Variants in ZFHX3 observed in about 807,000 individuals in gnomAD.
ZFHX3 encodes zinc finger homeobox protein 3.
ZFHX3 carries 42 observed loss-of-function variants against 279.1 expected under a neutral mutation model. The observed-to-expected ratio is 0.15, with a 90% CI of 0.12 to 0.19. The LOEUF (loss-of-function observed/expected upper bound fraction) is 0.19. Ranked by LOEUF, ZFHX3 falls within the 10% of genes least tolerant of loss-of-function variation. The pLI is 1.00. For synonymous variants in ZFHX3, 2,293 were observed against 1,957.8 expected (o/e 1.17, Z -4.52); for missense variants, 4,981 against 4,754.0 (o/e 1.05, Z -1.40).
At chr16:73,414,008 C>T (rs958607911) in intron 3 of ZFHX3, among the ~76,000 whole-genome samples, 1 of 152,226 alleles carries the variant, frequency 6.6e-6, no homozygotes, top group Non-Finnish European at 1.5e-5. Context: ...AAGGCCCTGA[C>T]AAGTCCTGCA....
intron 4 of ZFHX3, among the ~76,000 whole-genome samples, chr16:72,865,218 G>T (rs2037985945): frequency 6.6e-6 from 1 of 152,212 alleles, no homozygotes; most frequent in African/African-American, 2.4e-5. Flanking sequence ...ACTTCCATGT[G>T]CCCAGGCAGG....
chr16:73,868,482 C>A (rs1162548854), intron 1 of ZFHX3, among the ~76,000 whole-genome samples: 2 of 152,226 alleles, frequency 1.3e-5, no homozygotes, highest in African/African-American at 2.4e-5. Context: ...GGAGATCACG[C>A]CACTGCACTC....
intron 5 of ZFHX3, among the ~76,000 whole-genome samples, chr16:73,206,578 A>T (rs1315759167): frequency 6.6e-6 from 1 of 152,236 alleles, no homozygotes; most frequent in Admixed American, 6.5e-5. Flanking sequence ...TCATACTGGC[A>T]TCTGTAGTCT....
At chr16:72,876,806 T>A (rs1249044575) in intron 4 of ZFHX3, among the ~76,000 whole-genome samples, 1 of 152,062 alleles carries the variant, frequency 6.6e-6, no homozygotes, top group South Asian at 2.1e-4. Flanking sequence ...ATAAATTAAA[T>A]TTGTCCTCAC....
intron 1 of ZFHX3, among the ~76,000 whole-genome samples, chr16:73,007,971 T>C (rs1054570197): frequency 1.3e-5 from 2 of 152,214 alleles, no homozygotes; most frequent in Non-Finnish European, 2.9e-5. Flanking sequence ...TGGGGTTTTC[T>C]CTTTTCTCTT....
intron 1 of ZFHX3, among the ~76,000 whole-genome samples, chr16:73,770,388 T>C (rs1318019711): frequency 6.6e-6 from 1 of 152,218 alleles, no homozygotes; most frequent in Non-Finnish European, 1.5e-5. Context: ...CGAAGACCCA[T>C]TTTGAACTTC....
intron 1 of ZFHX3, among the ~76,000 whole-genome samples, chr16:73,777,508 C>CAAAAAAAAAAA (rs34744186): frequency 1.6e-5 from 1 of 62,646 alleles, no homozygotes; most frequent in African/African-American, 5.7e-5. Context: ...GACTCTGTCT[C>CAAAAAAAAAAA]AAAAAAAAAA....
intron 1 of ZFHX3, among the ~76,000 whole-genome samples, chr16:73,801,347 G>A (rs531120145): frequency 1.1e-4 from 16 of 152,198 alleles, no homozygotes; most frequent in African/African-American, 3.4e-4. Context: ...TTTTCTGAAC[G>A]AATAAATGAA....
At chr16:73,681,067 G>T (rs8059919) in intron 1 of ZFHX3, among the ~76,000 whole-genome samples, 35,570 of 152,082 alleles carry the variant, frequency 0.23, 4,257 homozygotes, top group Non-Finnish European at 0.25. Flanking sequence ...CCTCTCAGTG[G>T]ATGTCTGGTC....
intron 2 of ZFHX3, among the ~76,000 whole-genome samples, chr16:73,662,617 C>T (rs1191945135): frequency 1.3e-5 from 2 of 152,086 alleles, no homozygotes; most frequent in Non-Finnish European, 2.9e-5. Context: ...CTGAGAGATG[C>T]CAGATAAATT....
At chr16:73,442,877 G>T (rs990701114) in intron 3 of ZFHX3, among the ~76,000 whole-genome samples, 1 of 152,114 alleles carries the variant, frequency 6.6e-6, no homozygotes, top group African/African-American at 2.4e-5. Flanking sequence ...TCAGCCTCCC[G>T]AGCAGCTACA....
chr16:73,140,829 G>A (rs1966845952), intron 6 of ZFHX3, among the ~76,000 whole-genome samples: 1 of 152,164 alleles, frequency 6.6e-6, no homozygotes, highest in Non-Finnish European at 1.5e-5. Flanking sequence ...TCCAGCCTGG[G>A]TGACACAGTA....
intron 3 of ZFHX3, among the ~76,000 whole-genome samples, chr16:72,892,749 C>A (rs1177887718): frequency 6.6e-6 from 1 of 152,178 alleles, no homozygotes; most frequent in Non-Finnish European, 1.5e-5. Flanking sequence ...TTCAAGCGAT[C>A]CACCCGCCTC....
At position 72,786,571 on chromosome 16, in the gene ZFHX3, A is replaced by ATCTT. The variant is rs572941812; in HGVS notation, c.*589_*592dup. The stretch of plus-strand genomic sequence containing the variant: ...CATTTTTAAGTTAACAAAACAAAAA[A>ATCTT]TCTTTTCTGGAACAAAAAAAAAAAA... On this transcript the variant is annotated 3_prime_UTR_variant, in exon 10 of 10. Transcript: ENST00000268489. The ATCTT allele has an allele frequency of 2.7e-5, 4 of 149,582 alleles. No individual in the cohort carries two copies. The highest frequency in any genetic ancestry group is 7.4e-5 in the African/African-American group (3 of 40,504). The allele number at this position is 149,582 out of a possible 1,614,324, so 9.3% of individuals were successfully genotyped here. A position where few individuals can be genotyped will look rare whatever the true frequency, so the allele number is the denominator to read the frequency against.
chr16:73,463,694 T>C (rs2018512594), intron 2 of ZFHX3, among the ~76,000 whole-genome samples: 1 of 152,202 alleles, frequency 6.6e-6, no homozygotes, highest in South Asian at 2.1e-4. Flanking sequence ...CACAGGTGTG[T>C]GTTCTTCCAG....
At chr16:73,097,231 A>ATT (rs376018253) in intron 7 of ZFHX3, among the ~76,000 whole-genome samples, 17,182 of 126,620 alleles carry the variant, frequency 0.14, 1,547 homozygotes, top group Middle Eastern at 0.25. Flanking sequence ...GCTAATTTTA[A>ATT]TTTTTTTTTT....
intron 1 of ZFHX3, among the ~76,000 whole-genome samples, chr16:73,764,821 T>C (rs2053911629): frequency 6.6e-6 from 1 of 152,166 alleles, no homozygotes; most frequent in Admixed American, 6.6e-5. Context: ...ACCCTGCTTC[T>C]CCCTAAATTC....
At chr16:72,840,511 C>G (rs1302958189) in intron 4 of ZFHX3, among the ~76,000 whole-genome samples, 1 of 152,084 alleles carries the variant, frequency 6.6e-6, no homozygotes, top group Non-Finnish European at 1.5e-5. Context: ...AGCAAAAAAG[C>G]AAAGAGAAAA....
intron 4 of ZFHX3, among the ~76,000 whole-genome samples, chr16:73,314,482 C>T (rs1236932613): frequency 1.3e-5 from 2 of 152,210 alleles, no homozygotes; most frequent in East Asian, 3.9e-4. Context: ...GTCAAAGTCA[C>T]ATGACTAATA....
Sources: allele counts gnomAD v4.1 joint callset (sites outside exome capture counted in the v4.1 genomes callset), GRCh38; gene constraint gnomAD v4.1.1; transcripts MANE v1.5; gene names NCBI Gene and HGNC (gene_info 2026-07-23, HGNC 2026-07-21).